The following SHISA9 variants were observed in gnomAD, a reference collection of about 807,000 sequenced individuals.
SHISA9 encodes the protein protein shisa-9.
Under a neutral mutation model 38.0 loss-of-function variants are expected in SHISA9, and 13 were observed. That is an observed-to-expected ratio of 0.34 (90% CI 0.22 to 0.54). SHISA9 has a LOEUF of 0.54. Among genes scored for constraint, SHISA9 ranks in the 20% least tolerant of loss-of-function variants. The probability of loss-of-function intolerance (pLI) is 0.91; values close to 1 mark genes in which losing one functional copy is unlikely to be tolerated. For synonymous variants in SHISA9, 275 were observed against 242.0 expected (o/e 1.14, Z -1.27); for missense variants, 538 against 575.8 (o/e 0.93, Z 0.67).
At chr16:12,958,630 T>C (rs2071867479) in intron 2 of SHISA9, among the ~76,000 whole-genome samples, 1 of 152,244 alleles carries the variant, frequency 6.6e-6, no homozygotes, top group Non-Finnish European at 1.5e-5. Flanking sequence ...GTGCTTATGA[T>C]GCTGTCTTAT....
At chr16:13,503,895 C>T in the SHISA9 span, among the ~76,000 whole-genome samples, 189 of 152,008 alleles carry the variant, frequency 1.2e-3, no homozygotes, top group Admixed American at 2.3e-3. Context: ...AAAGAGCCCA[C>T]GATAGAATAA....
chr16:13,313,224 C>T, the SHISA9 span, among the ~76,000 whole-genome samples: 3 of 134,272 alleles, frequency 2.2e-5, no homozygotes, highest in African/African-American at 8.5e-5. Context: ...CACTGCACTC[C>T]AGCCTGGGCG....
chr16:13,250,935 A>G, the SHISA9 span, among the ~76,000 whole-genome samples: 1 of 152,184 alleles, frequency 6.6e-6, no homozygotes, highest in Non-Finnish European at 1.5e-5. Flanking sequence ...GGGGATTCTG[A>G]TGCAAGTAGT....
chr16:13,465,541 G>A, the SHISA9 span, among the ~76,000 whole-genome samples: 1 of 152,208 alleles, frequency 6.6e-6, no homozygotes, highest in Non-Finnish European at 1.5e-5. Context: ...ATAAGGAGAA[G>A]TTGAACTGCA....
At chr16:13,232,515 T>C (rs975081243) in intron 4 of SHISA9, among the ~76,000 whole-genome samples, 11 of 152,226 alleles carry the variant, frequency 7.2e-5, no homozygotes, top group Admixed American at 1.3e-4. Flanking sequence ...AGATTTATTC[T>C]GAGCCAAATA....
rs73520680 is a variant in SHISA9, at chr16:13,121,029, T to C, written c.692-82365T>C. The stretch of plus-strand genomic sequence containing the variant: ...GGCCCACTGCAGGGCTGGGCAGTAG[T>C]GTCATAGGCGATTAAAATAACCTGG... On this transcript the variant is annotated intron_variant, in intron 2 of 4. Transcript: ENST00000558583. Among the ~76,000 whole-genome samples the C allele has an allele frequency of 2.3e-3, 357 of 152,024 alleles. 2 individuals are homozygous for C. Among genetic ancestry groups the C allele is most frequent in the African/African-American group, 8.2e-3 (341 of 41,432 alleles).
At chr16:13,160,440 C>A (rs1432485192) in intron 2 of SHISA9, among the ~76,000 whole-genome samples, 1 of 152,106 alleles carries the variant, frequency 6.6e-6, no homozygotes, top group African/African-American at 2.4e-5. Context: ...AACATGAATC[C>A]CTCCTCCAGT....
At chr16:13,406,527 C>T in the SHISA9 span, among the ~76,000 whole-genome samples, 1 of 152,222 alleles carries the variant, frequency 6.6e-6, no homozygotes, top group Admixed American at 6.5e-5. Context: ...GTAGAACATT[C>T]TCTTCCGCTT....
chr16:13,386,833 C>T, the SHISA9 span, among the ~76,000 whole-genome samples: 5 of 152,074 alleles, frequency 3.3e-5, no homozygotes, highest in East Asian at 7.7e-4. Flanking sequence ...CATAGTATTC[C>T]ATGGTATGGT....
intron 2 of SHISA9, among the ~76,000 whole-genome samples, chr16:13,011,333 T>TA (rs1170394546): frequency 1.3e-5 from 2 of 150,722 alleles, no homozygotes; most frequent in African/African-American, 4.9e-5. Context: ...TTTTTTTTTT[T>TA]TTTGGCAAGA....
chr16:13,179,763 G>C (rs961790996), intron 2 of SHISA9, among the ~76,000 whole-genome samples: 11 of 152,234 alleles, frequency 7.2e-5, no homozygotes, highest in South Asian at 2.1e-4. Flanking sequence ...GAAAATTAAA[G>C]GATGAGATGG....
chr16:13,107,715 G>A (rs1393987976), intron 2 of SHISA9, among the ~76,000 whole-genome samples: 1 of 152,084 alleles, frequency 6.6e-6, no homozygotes, highest in African/African-American at 2.4e-5. Flanking sequence ...GTGATCAAGA[G>A]CCTTAACTGT....
intron 2 of SHISA9, among the ~76,000 whole-genome samples, chr16:13,063,384 A>C (rs527738208): frequency 3.3e-5 from 5 of 152,246 alleles, no homozygotes; most frequent in African/African-American, 1.2e-4. Context: ...GGAAAAAAAA[A>C]ACAAAATCCA....
At chr16:13,212,363 C>T (rs989297069) in intron 3 of SHISA9, among the ~76,000 whole-genome samples, 1 of 152,100 alleles carries the variant, frequency 6.6e-6, no homozygotes, top group Non-Finnish European at 1.5e-5. Flanking sequence ...AAAGAAAATG[C>T]GAGGTTGGTG....
At chr16:13,021,264 G>C (rs1210546200) in intron 2 of SHISA9, among the ~76,000 whole-genome samples, 1 of 152,268 alleles carries the variant, frequency 6.6e-6, no homozygotes, top group East Asian at 1.9e-4. Context: ...CTGGCATCTA[G>C]TGAGTAAAGG....
At chr16:13,313,272 A>AAAAT in the SHISA9 span, among the ~76,000 whole-genome samples, 4 of 151,198 alleles carry the variant, frequency 2.6e-5, no homozygotes, top group African/African-American at 9.8e-5. Flanking sequence ...AAAAAAAAAA[A>AAAAT]CCCAGTTTTA....
At chr16:13,182,497 G>A (rs1314368138) in intron 2 of SHISA9, among the ~76,000 whole-genome samples, 1 of 152,184 alleles carries the variant, frequency 6.6e-6, no homozygotes, top group African/African-American at 2.4e-5. Context: ...TGAGTCAAAG[G>A]TATAAGGGTT....
At chr16:13,039,903 A>T (rs941005715) in intron 2 of SHISA9, among the ~76,000 whole-genome samples, 7 of 152,128 alleles carry the variant, frequency 4.6e-5, no homozygotes, top group Non-Finnish European at 1.0e-4. Flanking sequence ...TGGGGATGAT[A>T]AGCCATTCTT....
At chr16:13,259,165 G>C in the SHISA9 span, among the ~76,000 whole-genome samples, 4 of 152,264 alleles carry the variant, frequency 2.6e-5, no homozygotes, top group South Asian at 6.2e-4. Context: ...CCAAAACAAA[G>C]GGGTTACAGG....
Sources: gnomAD v4.1 joint callset for allele counts (sites outside exome capture counted in the v4.1 genomes callset) on GRCh38, gnomAD v4.1.1 for gene constraint, MANE v1.5 for transcripts, NCBI Gene and HGNC (gene_info 2026-07-23, HGNC 2026-07-21) for gene names.